Variants in CDH4 observed in about 807,000 individuals in gnomAD.
CDH4 encodes cadherin-4.
Under a neutral mutation model 86.0 loss-of-function variants are expected in CDH4, and 33 were observed. The ratio of observed to expected loss-of-function variants is 0.38; its 90% CI spans 0.29 to 0.51. The LOEUF (loss-of-function observed/expected upper bound fraction) is 0.51, where lower values mean the gene tolerates loss of function less well. CDH4 is among the 20% of genes least tolerant of loss of function. CDH4 has a pLI of 0.86. For synonymous variants in CDH4, 555 were observed against 549.4 expected, an observed-to-expected ratio of 1.01 and a Z score of -0.14; for missense variants, 1,114 against 1,307.4, an observed-to-expected ratio of 0.85 and a Z score of 2.28.
Position 61,798,537 on chromosome 20 carries a change from G to A in CDH4, c.576+25355G>A, listed in dbSNP as rs187101131. ...TCAGGAAGAAAACTACTCAACAGAC[G>A]CGGCTGCTGCATGCTCTGTGTGGAG... On this transcript the variant is annotated intron_variant, in intron 4 of 15. Transcript: ENST00000614565. Among the ~76,000 whole-genome samples, 273 of 152,336 alleles carry A rather than the reference G, an allele frequency of 1.8e-3. 1 individual carries two copies. The highest frequency in any genetic ancestry group is 6.3e-3 in the African/African-American group (260 of 41,572).
chr20:61,825,512 G>A (rs1418327803), intron 4 of CDH4, among the ~76,000 whole-genome samples: 1 of 152,182 alleles, frequency 6.6e-6, no homozygotes, highest in Non-Finnish European at 1.5e-5. Flanking sequence ...CCTGACGAAG[G>A]ACAAGGCACT....
intron 4 of CDH4, among the ~76,000 whole-genome samples, chr20:61,822,395 T>A (rs1902014811): frequency 6.6e-6 from 1 of 152,242 alleles, no homozygotes; most frequent in African/African-American, 2.4e-5. Context: ...TTATCAGAAT[T>A]TTTATTATGG....
intron 6 of CDH4, among the ~76,000 whole-genome samples, chr20:61,866,436 C>G (rs34255908): frequency 0.3 from 45,033 of 152,170 alleles, 8,424 homozygotes; most frequent in Non-Finnish European, 0.42. Flanking sequence ...TCCCCCTCCC[C>G]CCGGAGGCCA....
chr20:61,461,007 G>A (rs753731420), intron 2 of CDH4, among the ~76,000 whole-genome samples: 4 of 152,122 alleles, frequency 2.6e-5, no homozygotes, highest in African/African-American at 9.7e-5. Flanking sequence ...CATCTAAGCC[G>A]CCTGTTTCCA....
At chr20:61,432,583 G>T (rs1870800738) in intron 2 of CDH4, among the ~76,000 whole-genome samples, 1 of 152,058 alleles carries the variant, frequency 6.6e-6, no homozygotes, top group Non-Finnish European at 1.5e-5. Context: ...GTGTATGTAT[G>T]TATATGTATG....
chr20:61,631,906 G>A (rs756382059), intron 2 of CDH4, among the ~76,000 whole-genome samples: 28 of 152,216 alleles, frequency 1.8e-4, no homozygotes, highest in Non-Finnish European at 2.9e-4. Flanking sequence ...ACCACAAGAC[G>A]GCGCCTCCCC....
At chr20:61,804,221 G>A (rs1979999102) in intron 4 of CDH4, among the ~76,000 whole-genome samples, 1 of 152,220 alleles carries the variant, frequency 6.6e-6, no homozygotes, top group Non-Finnish European at 1.5e-5. Flanking sequence ...CTGGAGATTC[G>A]CCCTCAGGTG....
chr20:61,796,682 G>A (rs1247446978), intron 4 of CDH4, among the ~76,000 whole-genome samples: 1 of 152,184 alleles, frequency 6.6e-6, no homozygotes, highest in Non-Finnish European at 1.5e-5. Flanking sequence ...TCACATGAAG[G>A]CTGAGGTGAG....
At chr20:61,450,990 C>T (rs1372070554) in intron 2 of CDH4, among the ~76,000 whole-genome samples, 2 of 151,888 alleles carry the variant, frequency 1.3e-5, no homozygotes, top group African/African-American at 2.4e-5. Flanking sequence ...TGACACAGTC[C>T]GTTTGTGAGG....
chr20:61,358,927 C>T (rs1021022046), intron 2 of CDH4, among the ~76,000 whole-genome samples: 2 of 152,282 alleles, frequency 1.3e-5, no homozygotes, highest in African/African-American at 2.4e-5. Context: ...CGTGATTCAC[C>T]GGCTTTTGGG....
chr20:61,768,133 C>A (rs80152391), intron 3 of CDH4, among the ~76,000 whole-genome samples: 2 of 152,142 alleles, frequency 1.3e-5, no homozygotes, highest in African/African-American at 4.8e-5. Flanking sequence ...GGAGTGGGTA[C>A]GGCCAAGATA....
intron 2 of CDH4, among the ~76,000 whole-genome samples, chr20:61,617,389 G>T (rs749440389): frequency 5.3e-5 from 8 of 152,234 alleles, no homozygotes; most frequent in Non-Finnish European, 1.0e-4. Context: ...TGCGTTTGGA[G>T]AGGAGAGCTC....
intron 2 of CDH4, among the ~76,000 whole-genome samples, chr20:61,625,709 A>G (rs559049380): frequency 2.0e-5 from 3 of 152,318 alleles, no homozygotes; most frequent in South Asian, 4.1e-4. Context: ...CACACTTCAC[A>G]AAATTAATGT....
At chr20:61,493,979 A>C (rs906251142) in intron 2 of CDH4, among the ~76,000 whole-genome samples, 2 of 152,140 alleles carry the variant, frequency 1.3e-5, no homozygotes, top group African/African-American at 4.8e-5. Context: ...AACACTCTGG[A>C]GCGGACTCTC....
chr20:61,326,459 A>G (rs1287916720), intron 2 of CDH4, among the ~76,000 whole-genome samples: 1 of 152,254 alleles, frequency 6.6e-6, no homozygotes, highest in East Asian at 1.9e-4. Context: ...AGGATATGAC[A>G]TTTTAGTCAA....
At chr20:61,344,310 A>T (rs2084665107) in intron 2 of CDH4, among the ~76,000 whole-genome samples, 1 of 152,086 alleles carries the variant, frequency 6.6e-6, no homozygotes, top group African/African-American at 2.4e-5. Flanking sequence ...CTGTACATGG[A>T]CTGGGCCCTC....
chr20:61,825,846 A>G (rs540682205), intron 4 of CDH4, among the ~76,000 whole-genome samples: 134 of 152,324 alleles, frequency 8.8e-4, no homozygotes, highest in African/African-American at 3.1e-3. Context: ...CCCAAAGTTA[A>G]TGGCAGCTCT....
intron 2 of CDH4, among the ~76,000 whole-genome samples, chr20:61,281,124 C>T (rs1222190606): frequency 6.6e-6 from 1 of 152,178 alleles, no homozygotes; most frequent in Non-Finnish European, 1.5e-5. Context: ...CGGGACAGCC[C>T]AGACGGAGAG....
chr20:61,744,779 A>T (rs1201836595), intron 3 of CDH4, among the ~76,000 whole-genome samples: 1 of 152,194 alleles, frequency 6.6e-6, no homozygotes, highest in Non-Finnish European at 1.5e-5. Context: ...ATCCAGCACC[A>T]GGCTCCTGAA....
Sources: gnomAD v4.1 joint callset for allele counts (sites outside exome capture counted in the v4.1 genomes callset) on GRCh38, gnomAD v4.1.1 for gene constraint, MANE v1.5 for transcripts, NCBI Gene and HGNC (gene_info 2026-07-23, HGNC 2026-07-21) for gene names.